Variants in CELF2 observed in about 807,000 individuals in gnomAD.
The protein encoded by CELF2 is CUGBP Elav-like family member 2, also known as CUG triplet repeat RNA-binding protein 2.
Under a neutral mutation model 62.6 loss-of-function variants are expected in CELF2, and 8 were observed. The ratio of observed to expected loss-of-function variants is 0.13; its 90% CI spans 0.07 to 0.23. The LOEUF is 0.23. Among genes scored for constraint, CELF2 ranks in the 10% least tolerant of loss-of-function variants. CELF2 has a pLI of 1.00. For synonymous variants in CELF2, 258 were observed against 250.0 expected (o/e 1.03, Z -0.30); for missense variants, 333 against 671.0 (o/e 0.50, Z 5.56).
At chr10:10,511,986 A>G in the CELF2 span, among the ~76,000 whole-genome samples, 2 of 152,216 alleles carry the variant, frequency 1.3e-5, no homozygotes, top group Non-Finnish European at 1.5e-5. Flanking sequence ...CAGACCTTCA[A>G]CTGATATCTG....
intron 1 of CELF2, among the ~76,000 whole-genome samples, chr10:11,163,498 A>G (rs2066210403): frequency 6.6e-6 from 1 of 152,218 alleles, no homozygotes; most frequent in South Asian, 2.1e-4. Flanking sequence ...TGAATTCTCA[A>G]AGAGCGACTT....
intron 1 of CELF2, among the ~76,000 whole-genome samples, chr10:11,025,239 G>GTGTGTGTGTGTATATATA (rs61580670): frequency 7.1e-6 from 1 of 140,998 alleles, no homozygotes; most frequent in Non-Finnish European, 1.5e-5. Flanking sequence ...GTGTGTGTGT[G>GTGTGTGTGTGTATATATA]TATATGTATG....
At chr10:11,187,646 T>A (rs1283233624) in intron 2 of CELF2, among the ~76,000 whole-genome samples, 1 of 152,142 alleles carries the variant, frequency 6.6e-6, no homozygotes, top group Non-Finnish European at 1.5e-5. Context: ...TTACCTTCTT[T>A]GTTGGCTTAC....
the CELF2 span, among the ~76,000 whole-genome samples, chr10:10,511,709 T>A: frequency 2.0e-5 from 3 of 152,148 alleles, no homozygotes; most frequent in Non-Finnish European, 2.9e-5. Flanking sequence ...TCTATCTGCA[T>A]CTCAGTTTCC....
chr10:10,979,747 C>T (rs899049076), intron 2 of CELF2, among the ~76,000 whole-genome samples: 12 of 150,618 alleles, frequency 8.0e-5, no homozygotes, highest in African/African-American at 2.7e-4. Context: ...ATCTAAGGAG[C>T]GAATCAAAGT....
At chr10:10,864,080 A>T (rs910105361) in intron 1 of CELF2, among the ~76,000 whole-genome samples, 1 of 152,168 alleles carries the variant, frequency 6.6e-6, no homozygotes, top group Admixed American at 6.5e-5. Flanking sequence ...CATGCTTATT[A>T]TAATTAGCAT....
rs922675156 is a variant in CELF2, at chr10:11,025,231, G to A, written c.74+7068G>A. ...TATGTGTGTGTGTGTGTGTGTGTGT[G>A]TGTGTGTGTATATGTATGTGACTGT... On this transcript the variant is annotated intron_variant, in intron 1 of 12. Transcript: ENST00000633077. 4.5e-4 allele frequency among the ~76,000 whole-genome samples: 21 copies of A among 46,384 alleles called. No individual in the cohort carries two copies. In the South Asian group the frequency reaches 6.9e-3, roughly 15 times the overall value. 30.4% of individuals were successfully genotyped at this position (46,384 alleles called of 152,430 possible).
intron 2 of CELF2, among the ~76,000 whole-genome samples, chr10:11,194,439 T>C (rs899569565): frequency 6.6e-6 from 1 of 152,212 alleles, no homozygotes; most frequent in African/African-American, 2.4e-5. Context: ...ATGAAAACAT[T>C]GGTCTTTGCC....
chr10:11,196,034 G>A (rs201612930), intron 2 of CELF2, among the ~76,000 whole-genome samples: 13 of 146,586 alleles, frequency 8.9e-5, no homozygotes, highest in African/African-American at 7.5e-5. Context: ...AGGCAGGGGA[G>A]AAAAAAAAAA....
the CELF2 span, among the ~76,000 whole-genome samples, chr10:10,525,158 T>C: frequency 6.6e-6 from 1 of 152,316 alleles, no homozygotes; most frequent in East Asian, 1.9e-4. Context: ...ATCTATGCTC[T>C]TAGCAATTTT....
At chr10:10,683,023 A>C in the CELF2 span, among the ~76,000 whole-genome samples, 1 of 152,190 alleles carries the variant, frequency 6.6e-6, no homozygotes, top group African/African-American at 2.4e-5. Context: ...AAAACAGATC[A>C]CACTTGCTTT....
intron 1 of CELF2, among the ~76,000 whole-genome samples, chr10:10,908,083 T>C (rs2063487281): frequency 6.6e-6 from 1 of 152,134 alleles, no homozygotes; most frequent in Non-Finnish European, 1.5e-5. Flanking sequence ...CCGCCCGGCC[T>C]GCCCGTACAG....
rs961317162 is a variant in CELF2 at position 11,135,720 on chromosome 10, C to G, written c.75-29766C>G. Among the ~76,000 whole-genome samples, 7 of 152,178 alleles carry G rather than the reference C, an allele frequency of 4.6e-5. No individual in the cohort carries two copies. The East Asian group carries it at 1.3e-3, about 29-fold the overall frequency. ...CTTTATGAAATCCATCATTACTGCT[C>G]CCCCACATTTTGGGCAAATTGCATG... On this transcript the variant is annotated intron_variant, in intron 1 of 12. Coordinates refer to ENST00000633077, the MANE Select transcript of CELF2 (RefSeq NM_001326342.2).
rs1227241795 is a variant in CELF2, at chr10:11,036,772, G to A, written c.74+18609G>A. On this transcript the variant is annotated intron_variant, in intron 1 of 12. Transcript: ENST00000633077. ...AGGCTTGTGCCTCATGGGCGGCTGA[G>A]GGAGGAAGCATCAGTATGGCCTGGG... Among the ~76,000 whole-genome samples, 6 of 152,202 alleles carry A rather than the reference G, an allele frequency of 3.9e-5. No individual in the cohort carries two copies. The East Asian group carries it at 1.2e-3, about 29-fold the overall frequency.
At chr10:11,099,078 C>T (rs1370238489) in intron 1 of CELF2, among the ~76,000 whole-genome samples, 1 of 152,228 alleles carries the variant, frequency 6.6e-6, no homozygotes, top group African/African-American at 2.4e-5. Context: ...TTGCCCCACA[C>T]AGCGTCCCAT....
chr10:10,542,578 T>C, the CELF2 span, among the ~76,000 whole-genome samples: 1 of 152,202 alleles, frequency 6.6e-6, no homozygotes, highest in Non-Finnish European at 1.5e-5. Context: ...GATTGGAGGC[T>C]GTTGGAATAG....
the CELF2 span, among the ~76,000 whole-genome samples, chr10:10,615,252 T>C: frequency 2.0e-5 from 3 of 152,106 alleles, no homozygotes; most frequent in Admixed American, 2.0e-4. Context: ...ATTTGCCAAT[T>C]CACCTACTGT....
At chr10:10,490,803 A>C in the CELF2 span, among the ~76,000 whole-genome samples, 1,022 of 152,230 alleles carry the variant, frequency 6.7e-3, 14 homozygotes, top group African/African-American at 0.023. Flanking sequence ...TACCAAGATA[A>C]AAAAGGTTGA....
chr10:10,713,256 C>G, the CELF2 span, among the ~76,000 whole-genome samples: 1 of 152,202 alleles, frequency 6.6e-6, no homozygotes, highest in Non-Finnish European at 1.5e-5. Flanking sequence ...CTCATAATGT[C>G]TATTCCTGAA....
Sources: gnomAD v4.1 joint callset for allele counts (sites outside exome capture counted in the v4.1 genomes callset) on GRCh38, gnomAD v4.1.1 for gene constraint, MANE v1.5 for transcripts, NCBI Gene and HGNC (gene_info 2026-07-23, HGNC 2026-07-21) for gene names.